Variants in SERPINB7 observed in about 807,000 individuals in gnomAD.
The protein encoded by SERPINB7 is serpin family B member 7.
In SERPINB7, 31 loss-of-function variants were observed where a neutral mutation model predicts 37.4. That is an observed-to-expected ratio of 0.83 (90% CI 0.62 to 1.12). SERPINB7 has a LOEUF of 1.12. SERPINB7 is among the 50% of genes most tolerant of loss of function. SERPINB7 has a pLI of 0.00. For synonymous variants in SERPINB7, 163 were observed against 166.1 expected, an observed-to-expected ratio of 0.98 and a Z score of 0.14; for missense variants, 521 against 455.3, an observed-to-expected ratio of 1.14 and a Z score of -1.31.
At chr18:63,756,113 A>G (rs1391967459) in intron 1 of SERPINB7, among the ~76,000 whole-genome samples, 1 of 151,916 alleles carries the variant, frequency 6.6e-6, no homozygotes, top group Admixed American at 6.6e-5. Context: ...ACACACACAC[A>G]CACACTCATA....
chr18:63,758,945 G>C (rs2049137275), intron 1 of SERPINB7, among the ~76,000 whole-genome samples: 1 of 152,192 alleles, frequency 6.6e-6, no homozygotes, highest in African/African-American at 2.4e-5. Context: ...AAATTTAAAG[G>C]GATGTCAAGC....
intron 1 of SERPINB7, among the ~76,000 whole-genome samples, chr18:63,753,895 T>C (rs1002826051): frequency 2.0e-5 from 3 of 152,230 alleles, no homozygotes; most frequent in African/African-American, 7.2e-5. Context: ...AATAACTCCA[T>C]CTTATAACTG....
In SERPINB7 at chr18:63,793,261, T is replaced by A. The variant is rs767222895; in HGVS notation, c.320T>A (p.Val107Glu). ...SIVNGLFAEK[V>E]YGFHKDYIEC... is the part of the protein sequence containing the mutation. ...GTGAATGGGCTTTTTGCTGAAAAAGTGTATGGCTTTCATAAGGTAAGTGAA... is the reference window on the plus strand; with the variant it reads ...GTGAATGGGCTTTTTGCTGAAAAAGAGTATGGCTTTCATAAGGTAAGTGAA... Residue 107 changes from valine to glutamate, a missense_variant, in exon 4 of 8, where the codon GTG (valine) becomes GAG (glutamate). Physicochemically the swap from Val to Glu is moderately radical, Grantham distance 121. Coordinates refer to ENST00000398019, the MANE Select transcript of SERPINB7 (RefSeq NM_003784.4). The A allele has an allele frequency of 6.3e-7, 1 of 1,587,530 alleles. No homozygotes were observed. The highest frequency in any genetic ancestry group is 8.6e-7 in the Non-Finnish European group (1 of 1,159,878).
intron 2 of SERPINB7, among the ~76,000 whole-genome samples, chr18:63,791,728 A>G (rs2049429755): frequency 6.6e-6 from 1 of 151,976 alleles, no homozygotes; most frequent in African/African-American, 2.4e-5. Flanking sequence ...CTCCTGCCTC[A>G]GCCTCCCGAG....
chr18:63,768,332 T>C (rs2049192133), intron 1 of SERPINB7, among the ~76,000 whole-genome samples: 1 of 152,078 alleles, frequency 6.6e-6, no homozygotes, highest in Non-Finnish European at 1.5e-5. Context: ...TCTGCTCCAA[T>C]AGTGAGAAAA....
chr18:63,762,963 T>C (rs1818161958), intron 1 of SERPINB7, among the ~76,000 whole-genome samples: 1 of 152,208 alleles, frequency 6.6e-6, no homozygotes, highest in Non-Finnish European at 1.5e-5. Flanking sequence ...AAGACGTAGA[T>C]GACATTTGCC....
chr18:63,754,923 C>T lies in SERPINB7; in HGVS notation c.-19+1803C>T, dbSNP rs1329636531. On this transcript the variant is annotated intron_variant, in intron 1 of 7. Transcript: ENST00000336429. Reference sequence around the variant, plus strand: ...TTTTTTTTTTTTTGAGACGGAGTCTCGCTCTGTCGCCCAGGCCGGACTGCG... The same window carrying T: ...TTTTTTTTTTTTTGAGACGGAGTCTTGCTCTGTCGCCCAGGCCGGACTGCG... 4.5e-3 allele frequency among the ~76,000 whole-genome samples: 520 copies of T among 115,026 alleles called. 2 individuals are homozygous for T. The highest frequency in any genetic ancestry group is 0.011 in the Middle Eastern group (1 of 94). The allele number at this position is 115,026 out of a possible 152,430, so 75.5% of individuals were successfully genotyped here.
chr18:63,804,249 C>A lies in SERPINB7; in HGVS notation c.757C>A (p.Leu253Met). ...ENDLSEIENKLTFQNLMEWTN... is the reference protein window; with the variant it reads ...ENDLSEIENKMTFQNLMEWTN... Reference sequence around the variant, plus strand: ...ATTATTTTTACAGATTGAAAACAAACTGACCTTTCAGAATCTAATGGAATG... The same window carrying A: ...ATTATTTTTACAGATTGAAAACAAAATGACCTTTCAGAATCTAATGGAATG... Residue 253 changes from leucine to methionine, a missense_variant, in exon 8 of 8, where the codon CTG becomes ATG. Leu to Met is a conservative substitution (Grantham distance 15, BLOSUM62 2). Coordinates refer to ENST00000398019, the MANE Select transcript of SERPINB7 (RefSeq NM_003784.4). 2 of 1,554,542 alleles carry A rather than the reference C, an allele frequency of 1.3e-6. No individual in the cohort carries two copies. Among genetic ancestry groups the A allele is most frequent in the Non-Finnish European group, 1.7e-6 (2 of 1,155,966 alleles).
chr18:63,792,068 G>A (rs1451265508), intron 2 of SERPINB7, among the ~76,000 whole-genome samples: 3 of 152,186 alleles, frequency 2.0e-5, no homozygotes, highest in African/African-American at 7.2e-5. Context: ...TCCGTGTGTG[G>A]ACTGACTACC....
At chr18:63,783,437 G>A (rs918153117) in intron 2 of SERPINB7, among the ~76,000 whole-genome samples, 2 of 152,086 alleles carry the variant, frequency 1.3e-5, no homozygotes, top group East Asian at 1.9e-4. Flanking sequence ...GTTGAGATAG[G>A]AGAGTTAGAA....
At chr18:63,781,920 TA>T (rs1207159510) in intron 1 of SERPINB7, among the ~76,000 whole-genome samples, 1 of 152,226 alleles carries the variant, frequency 6.6e-6, no homozygotes, top group African/African-American at 2.4e-5. Flanking sequence ...AAGAATGGGT[TA>T]AAAATGATGT....
intron 1 of SERPINB7, among the ~76,000 whole-genome samples, chr18:63,777,417 G>A (rs1210333971): frequency 3.3e-5 from 5 of 151,990 alleles, no homozygotes; most frequent in Non-Finnish European, 7.4e-5. Context: ...CAAAATCAGA[G>A]CAGGGAGGAA....
chr18:63,784,630 C>T (rs1276965659), intron 2 of SERPINB7, among the ~76,000 whole-genome samples: 1 of 152,068 alleles, frequency 6.6e-6, no homozygotes, highest in African/African-American at 2.4e-5. Context: ...GAAACATAGC[C>T]TTGGTCTGGG....
intron 1 of SERPINB7, among the ~76,000 whole-genome samples, chr18:63,768,157 C>T (rs1829074894): frequency 6.6e-6 from 1 of 151,856 alleles, no homozygotes; most frequent in Non-Finnish European, 1.5e-5. Context: ...TTATTGATTA[C>T]TGCTCTTTTC....
At chr18:63,782,988 A>T (rs1010608999) in intron 2 of SERPINB7, among the ~76,000 whole-genome samples, 1 of 151,428 alleles carries the variant, frequency 6.6e-6, no homozygotes, top group South Asian at 2.1e-4. Flanking sequence ...AATACAAAAA[A>T]TTAGCCGGGC....
At chr18:63,761,950 G>A (rs2049156637) in intron 1 of SERPINB7, among the ~76,000 whole-genome samples, 2 of 152,182 alleles carry the variant, frequency 1.3e-5, no homozygotes, top group Non-Finnish European at 2.9e-5. Context: ...GGTCTGACCT[G>A]ATCCAACTTA....
intron 1 of SERPINB7, among the ~76,000 whole-genome samples, chr18:63,761,582 A>G (rs2049154088): frequency 6.6e-6 from 1 of 152,190 alleles, no homozygotes; most frequent in Non-Finnish European, 1.5e-5. Flanking sequence ...TCTCAACTCA[A>G]ATTTTATCTC....
At chr18:63,764,875 T>A (rs1390396172) in intron 1 of SERPINB7, among the ~76,000 whole-genome samples, 2 of 152,080 alleles carry the variant, frequency 1.3e-5, no homozygotes, top group Non-Finnish European at 2.9e-5. Flanking sequence ...CAAAATCAAC[T>A]ACCAGAAGAG....
At chr18:63,798,889 T>C in intron 6 of SERPINB7, 143 bp downstream of exon 6, 1 of 844,974 alleles carries the variant, frequency 1.2e-6, no homozygotes, top group Non-Finnish European at 1.8e-6. Context: ...TATGGTCAGT[T>C]GCTTTATAAA....
Sources: gnomAD v4.1 joint callset for allele counts (sites outside exome capture counted in the v4.1 genomes callset) on GRCh38, gnomAD v4.1.1 for gene constraint, MANE v1.5 for transcripts, NCBI Gene and HGNC (gene_info 2026-07-23, HGNC 2026-07-21) for gene names.